MBTD1: variants seen among roughly 807,000 people sequenced by gnomAD.
MBTD1 encodes the protein MBT domain-containing protein 1.
Under a neutral mutation model 87.8 loss-of-function variants are expected in MBTD1, and 24 were observed. The observed-to-expected ratio is 0.27, with a 90% CI of 0.20 to 0.38. The LOEUF is 0.38. Among genes scored for constraint, MBTD1 ranks in the 10% least tolerant of loss-of-function variants. The pLI, the probability that MBTD1 is intolerant of heterozygous loss-of-function variation, is 1.00. For missense variants in MBTD1, 436 were observed against 760.2 expected (o/e 0.57, Z 5.02); for synonymous variants, 237 against 248.6 (o/e 0.95, Z 0.44).
intron 3 of MBTD1, among the ~76,000 whole-genome samples, chr17:51,224,751 T>C (rs2053116231): frequency 6.6e-6 from 1 of 152,254 alleles, no homozygotes; most frequent in Non-Finnish European, 1.5e-5. Context: ...AGGCATTTCT[T>C]ATCTAATTAC....
At chr17:51,246,427 C>T (rs545755018) in intron 2 of MBTD1, among the ~76,000 whole-genome samples, 67 of 152,234 alleles carry the variant, frequency 4.4e-4, no homozygotes, top group African/African-American at 1.6e-3. Flanking sequence ...ATTAGGGATG[C>T]TCAATCTATG....
At chr17:51,226,598 A>T (rs980914020) in intron 2 of MBTD1, among the ~76,000 whole-genome samples, 3 of 152,028 alleles carry the variant, frequency 2.0e-5, no homozygotes, top group Admixed American at 6.6e-5. Flanking sequence ...AAACTTCTAG[A>T]CCAATTTGGA....
intron 2 of MBTD1, among the ~76,000 whole-genome samples, chr17:51,228,251 G>A (rs1356751600): frequency 6.6e-6 from 1 of 151,956 alleles, no homozygotes; most frequent in Non-Finnish European, 1.5e-5. Flanking sequence ...GAGAGGACCA[G>A]GAAAAATAAC....
At chr17:51,198,863 C>T (rs944254578) in intron 12 of MBTD1, among the ~76,000 whole-genome samples, 9 of 152,222 alleles carry the variant, frequency 5.9e-5, no homozygotes, top group African/African-American at 2.2e-4. Context: ...AGTGCAGTGG[C>T]TCGATCTCAG....
intron 2 of MBTD1, among the ~76,000 whole-genome samples, chr17:51,257,641 A>C (rs2055169391): frequency 6.6e-6 from 1 of 152,222 alleles, no homozygotes; most frequent in Non-Finnish European, 1.5e-5. Context: ...CCTGTCTAGT[A>C]TGTTTAGAAT....
In MBTD1 at chr17:51,203,161, C is replaced by G; in HGVS notation, c.807G>C (p.Leu269=). 1 of 1,596,314 alleles carries G rather than the reference C, an allele frequency of 6.3e-7. No homozygotes were observed. The highest frequency in any genetic ancestry group is 8.5e-7 in the Non-Finnish European group (1 of 1,175,638). The change falls in exon 9 of 17, where the codon CTG becomes CTC. Residue 269 remains leucine (L), a synonymous_variant. Transcript: ENST00000586178. The part of the protein sequence containing the change: ...LVKRLTGAKT[L]PPDFSQKVSE... ...TTACCTTTTGGGAGAAATCAGGAGGCAGTGTTTTGGCACCAGTAAGTCGTT... is the reference window on the plus strand; with the variant it reads ...TTACCTTTTGGGAGAAATCAGGAGGGAGTGTTTTGGCACCAGTAAGTCGTT...
chr17:51,197,594 T>C (rs1436830178), intron 12 of MBTD1, among the ~76,000 whole-genome samples: 1 of 151,420 alleles, frequency 6.6e-6, no homozygotes, highest in African/African-American at 2.4e-5. Flanking sequence ...TGCAGCCAAC[T>C]TCCCTGAGCT....
At chr17:51,183,877 A>T (rs1018610914) in intron 16 of MBTD1, 3 of 152,226 alleles carry the variant, frequency 2.0e-5, no homozygotes, top group Non-Finnish European at 4.4e-5. Context: ...GTTGATTAAA[A>T]CAGTATCTTG....
chr17:51,231,552 A>C (rs1182801161), intron 2 of MBTD1, among the ~76,000 whole-genome samples: 1 of 152,192 alleles, frequency 6.6e-6, no homozygotes, highest in Non-Finnish European at 1.5e-5. Context: ...AAAGAGGAAT[A>C]TACAGTATGC....
intron 2 of MBTD1, among the ~76,000 whole-genome samples, chr17:51,243,955 C>T (rs766115366): frequency 2.0e-5 from 3 of 152,188 alleles, no homozygotes; most frequent in African/African-American, 7.2e-5. Context: ...TTACATTTGT[C>T]CTCAGGAAAT....
chr17:51,180,914 C>G (rs1186326070), intron 16 of MBTD1, among the ~76,000 whole-genome samples: 1 of 152,088 alleles, frequency 6.6e-6, no homozygotes, highest in Non-Finnish European at 1.5e-5. Flanking sequence ...ATGGTGCTCA[C>G]TAATCTGACT....
At chr17:51,259,743 G>A (rs117630895) in intron 1 of MBTD1, 92 bp downstream of exon 1, 3 of 1,152,096 alleles carry the variant, frequency 2.6e-6, no homozygotes, top group Admixed American at 4.2e-5. Flanking sequence ...GCCAGGGAGC[G>A]GGGTCAGGGA....
chr17:51,223,622 G>T (rs1383154879), intron 3 of MBTD1, among the ~76,000 whole-genome samples: 1 of 152,112 alleles, frequency 6.6e-6, no homozygotes, highest in Non-Finnish European at 1.5e-5. Flanking sequence ...GATTGCTTAA[G>T]GTCAGGAGTT....
chr17:51,225,210 C>A lies in MBTD1; in HGVS notation c.-48-1G>T. Reference sequence around the variant, plus strand: ...TTTCAGATCGTGAAGAATGTTCAGTCTTTGAAGTAAGAGAAACCAGTGACA... The same window carrying A: ...TTTCAGATCGTGAAGAATGTTCAGTATTTGAAGTAAGAGAAACCAGTGACA... On this transcript the variant is annotated splice_acceptor_variant, in intron 2 of 16. Transcript: ENST00000586178. LOFTEE classifies it low-confidence loss of function (5UTR_SPLICE). 1 of 1,484,824 alleles carries A rather than the reference C, an allele frequency of 6.7e-7. No homozygotes were observed. The highest frequency in any genetic ancestry group is 1.4e-5 in the South Asian group (1 of 72,866). 92.0% of individuals were successfully genotyped at this position (1,484,824 alleles called of 1,614,324 possible). A position where few individuals can be genotyped will look rare whatever the true frequency, so the allele number is the denominator to read the frequency against.
intron 2 of MBTD1, among the ~76,000 whole-genome samples, chr17:51,230,493 G>A (rs1042410084): frequency 8.5e-5 from 13 of 152,150 alleles, no homozygotes; most frequent in Non-Finnish European, 1.8e-4. Context: ...GCTACTGGTA[G>A]GAGGAAACCA....
chr17:51,203,534 C>G (rs1276102750), intron 8 of MBTD1, among the ~76,000 whole-genome samples: 1 of 152,130 alleles, frequency 6.6e-6, no homozygotes, highest in Admixed American at 6.6e-5. Context: ...TCTGCCTCAG[C>G]CTCCTGAGTA....
intron 16 of MBTD1, 44 bp downstream of exon 16, chr17:51,192,159 G>A (rs1259735493): frequency 7.7e-7 from 1 of 1,303,672 alleles, no homozygotes; most frequent in Non-Finnish European, 1.1e-6. Context: ...ACTCCAATTA[G>A]TTAACAATTA....
chr17:51,235,813 T>C (rs973849935), intron 2 of MBTD1, among the ~76,000 whole-genome samples: 2 of 152,200 alleles, frequency 1.3e-5, no homozygotes, highest in African/African-American at 4.8e-5. Flanking sequence ...TGTTCTAAAA[T>C]TCATATGGAA....
Position 51,200,759 on chromosome 17 carries a change from G to A in MBTD1, c.1224+833C>T, listed in dbSNP as rs1490783952. Among the ~76,000 whole-genome samples the A allele has an allele frequency of 4.6e-5, 7 of 151,254 alleles. No homozygotes were observed. The South Asian group carries it at 6.3e-4, about 14-fold the overall frequency. ...TGCACCTGTAATCCCAGCTACTCAGGGGGCCGAGGCAGGAGGATCACCTGA... is the reference window on the plus strand; with the variant it reads ...TGCACCTGTAATCCCAGCTACTCAGAGGGCCGAGGCAGGAGGATCACCTGA... On this transcript the variant is annotated intron_variant, in intron 12 of 16. Transcript: ENST00000586178.
Sources: allele counts gnomAD v4.1 joint callset (sites outside exome capture counted in the v4.1 genomes callset), GRCh38; gene constraint gnomAD v4.1.1; transcripts MANE v1.5; gene names NCBI Gene and HGNC (gene_info 2026-07-23, HGNC 2026-07-21).